The following PJA2 variants were observed in gnomAD, a reference collection of about 807,000 sequenced individuals.
The protein encoded by PJA2 is praja ring finger ubiquitin ligase 2, also known as E3 ubiquitin-protein ligase Praja-2.
Under a neutral mutation model 69.3 loss-of-function variants are expected in PJA2, and 25 were observed. The observed-to-expected ratio is 0.36, with a 90% CI of 0.26 to 0.50. PJA2 has a LOEUF of 0.50. Among genes scored for constraint, PJA2 ranks in the 20% least tolerant of loss-of-function variants. PJA2 has a pLI of 0.96. For missense variants in PJA2, 809 were observed against 830.2 expected (o/e 0.97, Z 0.31); for synonymous variants, 308 against 277.8 (o/e 1.11, Z -1.08).
In PJA2 at chr5:109,336,973, A is replaced by G. The variant is rs965281045; in HGVS notation, c.*258T>C. 1 of 208,110 alleles carries G rather than the reference A, an allele frequency of 4.8e-6. No homozygotes were observed. The highest frequency in any genetic ancestry group is 9.4e-6 in the Non-Finnish European group (1 of 106,910). 12.9% of individuals were successfully genotyped at this position (208,110 alleles called of 1,614,324 possible). A position where few individuals can be genotyped will look rare whatever the true frequency, so the allele number is the denominator to read the frequency against. ...TATTTATTCTGGAGAGAGTCAACTG[A>G]TAAGCTTGGCTTTACAATTAATACA... is the stretch of plus-strand genomic sequence containing the variant. On this transcript the variant is annotated 3_prime_UTR_variant, in exon 10 of 10. Coordinates refer to ENST00000361189, the MANE Select transcript of PJA2 (RefSeq NM_014819.5).
chr5:109,386,098 TGAGG>T (rs1209756912), intron 1 of PJA2, among the ~76,000 whole-genome samples: 1 of 151,474 alleles, frequency 6.6e-6, no homozygotes, highest in East Asian at 1.9e-4. Context: ...AGCAATCACC[TGAGG>T]TCAGTGAGAC....
At chr5:109,353,491 ATATC>A (rs1762315703) in intron 7 of PJA2, among the ~76,000 whole-genome samples, 3 of 97,880 alleles carry the variant, frequency 3.1e-5, no homozygotes, top group Non-Finnish European at 7.8e-5. Context: ...AATATATTAG[ATATC>A]TATAATATCT....
chr5:109,387,715 A>T (rs1397767923), intron 1 of PJA2, among the ~76,000 whole-genome samples: 2 of 152,240 alleles, frequency 1.3e-5, no homozygotes, highest in Non-Finnish European at 2.9e-5. Context: ...CAACCAGGAT[A>T]TTATGCCAAC....
intron 4 of PJA2, among the ~76,000 whole-genome samples, chr5:109,374,333 CAGCA>C (rs1582609665): frequency 1.3e-5 from 2 of 152,160 alleles, no homozygotes; most frequent in East Asian, 3.8e-4. Flanking sequence ...GCTAAAATGT[CAGCA>C]CATATGCTTT....
chr5:109,381,480 T>A, intron 3 of PJA2, 23 bp downstream of exon 3: 4 of 1,596,898 alleles, frequency 2.5e-6, no homozygotes, highest in Non-Finnish European at 3.4e-6. Context: ...TTAATAACCT[T>A]TAAATAATTA....
At chr5:109,346,996 A>G (rs1762181829) in intron 7 of PJA2, among the ~76,000 whole-genome samples, 1 of 152,258 alleles carries the variant, frequency 6.6e-6, no homozygotes, top group African/African-American at 2.4e-5. Flanking sequence ...CCTACCATAG[A>G]TATTCCCAAA....
intron 5 of PJA2, among the ~76,000 whole-genome samples, chr5:109,364,388 C>G (rs972626527): frequency 6.6e-6 from 1 of 151,846 alleles, no homozygotes; most frequent in Admixed American, 6.6e-5. Flanking sequence ...CTTTGGGAGG[C>G]CGAGGCGGGC....
At chr5:109,365,402 T>A (rs867885057) in intron 5 of PJA2, among the ~76,000 whole-genome samples, 6 of 152,196 alleles carry the variant, frequency 3.9e-5, no homozygotes, top group South Asian at 2.1e-4. Flanking sequence ...GAAACCAAGG[T>A]GTACACATAT....
At chr5:109,364,696 C>G (rs1052085646) in intron 5 of PJA2, among the ~76,000 whole-genome samples, 1 of 140,498 alleles carries the variant, frequency 7.1e-6, no homozygotes, top group African/African-American at 2.5e-5. Context: ...AATTTGGACA[C>G]AAAACTCAAA....
Position 109,379,133 on chromosome 5 carries a change from G to C in PJA2, c.354C>G (p.Ser118=), listed in dbSNP as rs373783199. 836 of 1,614,070 alleles carry C rather than the reference G, an allele frequency of 5.2e-4. No individual in the cohort carries two copies. The highest frequency in any genetic ancestry group is 8.7e-4 in the Admixed American group (52 of 60,018). ...ALNQTTESSQ[S]FVAVHHSEEG... ...CCTCACTGTGATGTACTGCAACAAAGGATTGACTGCTCTCAGTGGTTTGAT... is the reference window on the plus strand; with the variant it reads ...CCTCACTGTGATGTACTGCAACAAACGATTGACTGCTCTCAGTGGTTTGAT... The change falls in exon 4 of 10, where the codon TCC becomes TCG. Residue 118 remains serine (S), a synonymous_variant. Transcript: ENST00000361189.
At chr5:109,386,180 G>C (rs1374500538) in intron 1 of PJA2, among the ~76,000 whole-genome samples, 1 of 151,918 alleles carries the variant, frequency 6.6e-6, no homozygotes, top group Non-Finnish European at 1.5e-5. Context: ...TTTTGAATTA[G>C]GGATGCTTAA....
chr5:109,409,347 G>C (rs1747770887), intron 1 of PJA2: 1 of 152,370 alleles, frequency 6.6e-6, no homozygotes, highest in Admixed American at 6.5e-5. Flanking sequence ...GCAACAGAAG[G>C]CTCCTCGGGG....
rs1422049778 is a variant in PJA2 at position 109,381,593 on chromosome 5, A to G, written c.142T>C (p.Cys48Arg). The G allele has an allele frequency of 6.2e-6, 10 of 1,614,016 alleles. No individual in the cohort carries two copies. The highest frequency in any genetic ancestry group is 1.3e-5 in the African/African-American group (1 of 74,914). ...RRHAYVSFKPCMTRHERSLGR... is the reference protein window; with the variant it reads ...RRHAYVSFKPRMTRHERSLGR... ...AAGCTTCTTTCATGTCTGGTCATAC[A>G]TGGTTTAAAACTGACATAAGCATGT... Residue 48 changes from cysteine to arginine, a missense_variant, in exon 3 of 10, where the codon TGT becomes CGT. By Grantham distance (180) the Cys-to-Arg change is radical. Transcript: ENST00000361189.
chr5:109,338,024 A>G (rs1761978021), intron 9 of PJA2, among the ~76,000 whole-genome samples: 1 of 152,126 alleles, frequency 6.6e-6, no homozygotes, highest in Non-Finnish European at 1.5e-5. Flanking sequence ...GGAAGGAGAA[A>G]GCAGTTATAC....
chr5:109,400,563 TATTTAA>T (rs1279849182), intron 1 of PJA2, among the ~76,000 whole-genome samples: 205 of 152,166 alleles, frequency 1.3e-3, no homozygotes, highest in Non-Finnish European at 2.6e-3. Context: ...TTTCATACAT[TATTTAA>T]AAGATCATAA....
At chr5:109,354,987 T>G (rs771743514) in intron 7 of PJA2, among the ~76,000 whole-genome samples, 8 of 151,934 alleles carry the variant, frequency 5.3e-5, no homozygotes, top group Non-Finnish European at 7.4e-5. Context: ...CCAGGTCTGA[T>G]GGCCCGTATG....
At chr5:109,376,957 G>A (rs1746901872) in intron 4 of PJA2, among the ~76,000 whole-genome samples, 1 of 151,964 alleles carries the variant, frequency 6.6e-6, no homozygotes, top group African/African-American at 2.4e-5. Context: ...GTTAACATCA[G>A]GTCAGGCTTT....
rs944336956 is a variant in PJA2 at position 109,379,339 on chromosome 5, A to G, written c.233-85T>C. The G allele has an allele frequency of 8.4e-6, 8 of 952,830 alleles. No homozygotes were observed. The African/African-American group carries it at 1.2e-4, about 14-fold the overall frequency. 59.0% of individuals were successfully genotyped at this position (952,830 alleles called of 1,614,324 possible). A position where few individuals can be genotyped will look rare whatever the true frequency, so the allele number is the denominator to read the frequency against. ...AATAACTATCACTTAAGTGGAAATCATACCAATTATTACTACTTGAATACA... is the reference window on the plus strand; with the variant it reads ...AATAACTATCACTTAAGTGGAAATCGTACCAATTATTACTACTTGAATACA... On this transcript the variant is annotated intron_variant, in intron 3 of 9. Coordinates refer to ENST00000361189, the MANE Select transcript of PJA2 (RefSeq NM_014819.5).
At chr5:109,356,868 A>G (rs1244901957) in intron 6 of PJA2, among the ~76,000 whole-genome samples, 1 of 152,048 alleles carries the variant, frequency 6.6e-6, no homozygotes, top group Non-Finnish European at 1.5e-5. Flanking sequence ...AAAACCATTA[A>G]GCTCCTAGAA....
Sources: allele counts gnomAD v4.1 joint callset (sites outside exome capture counted in the v4.1 genomes callset), GRCh38; gene constraint gnomAD v4.1.1; transcripts MANE v1.5; gene names NCBI Gene and HGNC (gene_info 2026-07-23, HGNC 2026-07-21).